The following NINJ2 variants were observed in gnomAD, a reference collection of about 807,000 sequenced individuals.
The protein encoded by NINJ2 is ninjurin 2, also known as ninjurin-2.
NINJ2 carries 12 observed loss-of-function variants against 11.7 expected under a neutral mutation model. That is an observed-to-expected ratio of 1.02 (90% confidence interval 0.66 to 1.66). The LOEUF (loss-of-function observed/expected upper bound fraction) is 1.66. Among genes scored for constraint, NINJ2 ranks in the 40% most tolerant of loss-of-function variants. NINJ2 has a pLI of 0.00. For synonymous variants in NINJ2, 93 were observed against 76.8 expected (o/e 1.21, Z -1.10); for missense variants, 187 against 181.8 (o/e 1.03, Z -0.16).
intron 1 of NINJ2, among the ~76,000 whole-genome samples, chr12:595,192 A>C (rs1236645373): frequency 1.3e-5 from 2 of 152,254 alleles, no homozygotes; most frequent in African/African-American, 2.4e-5. Context: ...AAGTTAACTC[A>C]AAATGGATCA....
chr12:650,046 T>C (rs1937763509), intron 1 of NINJ2, among the ~76,000 whole-genome samples: 1 of 151,894 alleles, frequency 6.6e-6, no homozygotes, highest in South Asian at 2.1e-4. Flanking sequence ...CTTCGATCAT[T>C]TTCTTAGGCT....
intron 1 of NINJ2, among the ~76,000 whole-genome samples, chr12:602,197 G>T (rs1947882680): frequency 6.6e-6 from 1 of 152,162 alleles, no homozygotes; most frequent in Non-Finnish European, 1.5e-5. Flanking sequence ...TATTTAAAGT[G>T]TACGGTTCAG....
At chr12:575,865 C>T (rs1414871545) in intron 1 of NINJ2, among the ~76,000 whole-genome samples, 1 of 152,130 alleles carries the variant, frequency 6.6e-6, no homozygotes, top group Non-Finnish European at 1.5e-5. Flanking sequence ...CAGGGAGAGC[C>T]CTTTTTCCCC....
rs374630469 is a variant in NINJ2, at chr12:591,858, G to A, written c.34-25680C>T. Among the ~76,000 whole-genome samples the A allele has an allele frequency of 7.3e-5, 11 of 149,910 alleles. No homozygotes were observed. The East Asian group carries it at 1.5e-3, about 21-fold the overall frequency. On this transcript the variant is annotated intron_variant, in intron 1 of 3. Transcript: ENST00000305108. This position sits in a 1 kb window ranked among gnomAD's most constrained non-coding sequence, Gnocchi z 5.0. ...CAGGAAAGCCTTCTGAAAGAGTGACGTGGCCGGCGGCAGGTATGGTGTGTG... is the reference window on the plus strand; with the variant it reads ...CAGGAAAGCCTTCTGAAAGAGTGACATGGCCGGCGGCAGGTATGGTGTGTG...
intron 1 of NINJ2, among the ~76,000 whole-genome samples, chr12:574,560 C>T (rs2120809022): frequency 6.6e-6 from 1 of 150,432 alleles, no homozygotes; most frequent in Non-Finnish European, 1.5e-5. Context: ...AAAAGGTGAG[C>T]TTGGCTCCCT....
rs1180803765 is a variant in NINJ2 at position 614,938 on chromosome 12, C to G, written c.33+48390G>C. Among the ~76,000 whole-genome samples the G allele has an allele frequency of 6.6e-6, 1 of 152,174 alleles. No individual in the cohort carries two copies. Among genetic ancestry groups the G allele is most frequent in the East Asian group, 1.9e-4 (1 of 5,192 alleles). On this transcript the variant is annotated intron_variant, in intron 1 of 3. Coordinates refer to ENST00000305108, the MANE Select transcript of NINJ2 (RefSeq NM_016533.6). This position sits in a 1 kb window ranked among gnomAD's most constrained non-coding sequence, Gnocchi z 5.1. ...GCTGTGGTCCCGAGCTCAAAAGATG[C>G]AGGCTTGAGGTCTTAACTGCTTCCA...
intron 1 of NINJ2, among the ~76,000 whole-genome samples, chr12:597,909 G>A (rs373814854): frequency 4.6e-5 from 7 of 152,266 alleles, no homozygotes; most frequent in East Asian, 3.8e-4. Flanking sequence ...CCTTTGCCTT[G>A]TTGAAGCCCT....
intron 1 of NINJ2, among the ~76,000 whole-genome samples, chr12:609,770 CAAAAAAA>C (rs1185755822): frequency 2.3e-5 from 2 of 88,818 alleles, no homozygotes. Context: ...GACTCTGCCT[CAAAAAAA>C]AAAAAAAAAA....
At chr12:577,879 AT>A (rs1221776070) in intron 1 of NINJ2, among the ~76,000 whole-genome samples, 6 of 150,780 alleles carry the variant, frequency 4.0e-5, no homozygotes, top group African/African-American at 1.2e-4. Flanking sequence ...TTTTATTTTT[AT>A]TTTTTTTTAA....
chr12:660,360 CT>C (rs577585379), intron 1 of NINJ2, among the ~76,000 whole-genome samples: 3,979 of 121,348 alleles, frequency 0.033, 109 homozygotes, highest in African/African-American at 0.091. Context: ...TTTTTCTTTT[CT>C]TTTTTTTTTT....
rs549069543 is a variant in NINJ2, at chr12:624,034, TCAAAAA to T, written c.33+39288_33+39293del. Among the ~76,000 whole-genome samples the T allele has an allele frequency of 2.0e-3, 309 of 152,166 alleles. 1 individual carries two copies. The highest frequency in any genetic ancestry group is 0.014 in the Middle Eastern group (4 of 294). ...CTTGGTGACAGAGCGAGACTCTGTC[TCAAAAA>T]CAAAAACAAAAACAAAAACAAAAAA... is the stretch of plus-strand genomic sequence containing the variant. On this transcript the variant is annotated intron_variant, in intron 1 of 3. Coordinates refer to ENST00000305108, the MANE Select transcript of NINJ2 (RefSeq NM_016533.6).
chr12:572,628 A>G (rs923156383), intron 1 of NINJ2, among the ~76,000 whole-genome samples: 17 of 152,198 alleles, frequency 1.1e-4, no homozygotes, highest in African/African-American at 4.1e-4. Context: ...GCACACTGGA[A>G]CGATGGTGGT....
rs1345710738 is a variant in NINJ2, at chr12:566,031, G to A, written c.181C>T (p.His61Tyr). ...AGGGTGACCAGGGTGGTGTAGTAGT[G>A]AGAGGATGGTCCCTGCTCCAGCACC... ...KAVLEQGPSS[H>Y]YYTTLVTLIS... Residue 61 changes from histidine to tyrosine, a missense_variant, in exon 2 of 4, where the codon CAC (histidine) becomes TAC (tyrosine). By Grantham distance (83) the His-to-Tyr change is moderately conservative. Transcript: ENST00000305108. 5 of 1,614,078 alleles carry A rather than the reference G, an allele frequency of 3.1e-6. No individual in the cohort carries two copies. Among genetic ancestry groups the A allele is most frequent in the Non-Finnish European group, 4.2e-6 (5 of 1,180,040 alleles).
chr12:566,190 A>G lies in NINJ2; in HGVS notation c.34-12T>C. On this transcript the variant is annotated splice_polypyrimidine_tract_variant and intron_variant, in intron 1 of 3. Transcript: ENST00000305108. ...TCGGAGCTTCCAGGCTGTAGGGGAG[A>G]AAGCACAGACTTACCAAGGGGAGCT... The G allele has an allele frequency of 6.2e-7, 1 of 1,608,056 alleles. No individual in the cohort carries two copies. The highest frequency in any genetic ancestry group is 8.5e-7 in the Non-Finnish European group (1 of 1,175,984).
chr12:566,100 G>T lies in NINJ2; in HGVS notation c.112C>A (p.Leu38Met). ...TTGGACATGAACAGGGCCACGTCCA[G>T]CATGCTCTCCGCCACGCTCTTCTTG... ...ATKKSVAESMLDVALFMSNAM... is the reference protein window; with the variant it reads ...ATKKSVAESMMDVALFMSNAM... Residue 38 changes from leucine (L) to methionine (M), a missense_variant, in exon 2 of 4, where the codon CTG (leucine) becomes ATG (methionine). Physicochemically the swap from Leu to Met is conservative, Grantham distance 15. Coordinates refer to ENST00000305108, the MANE Select transcript of NINJ2 (RefSeq NM_016533.6). The T allele has an allele frequency of 2.5e-6, 4 of 1,614,204 alleles. No individual in the cohort carries two copies. The highest frequency in any genetic ancestry group is 3.4e-6 in the Non-Finnish European group (4 of 1,180,032).
chr12:657,945 C>T (rs1937894578), intron 1 of NINJ2, among the ~76,000 whole-genome samples: 1 of 149,676 alleles, frequency 6.7e-6, no homozygotes, highest in Non-Finnish European at 1.5e-5. Flanking sequence ...GGTATCTTCC[C>T]AAATGAATTC....
chr12:568,704 T>C (rs1181775995), intron 1 of NINJ2, among the ~76,000 whole-genome samples: 1 of 152,212 alleles, frequency 6.6e-6, no homozygotes, highest in Non-Finnish European at 1.5e-5. Flanking sequence ...AGATTCCGAG[T>C]GTCCTCAACT....
rs1374159524 is a variant in NINJ2, at chr12:628,965, C to T, written c.33+34363G>A. 3.9e-5 allele frequency among the ~76,000 whole-genome samples: 6 copies of T among 152,134 alleles called. No homozygotes were observed. On this transcript the variant is annotated intron_variant, in intron 1 of 3. Coordinates refer to ENST00000305108, the MANE Select transcript of NINJ2 (RefSeq NM_016533.6). The surrounding 1 kb of genome is among the most constrained non-coding windows in gnomAD (Gnocchi z 4.4). The stretch of plus-strand genomic sequence containing the variant: ...CCCAAAAAGCTCATGAATAACCCAC[C>T]CCTTGTTTAGCATATGATCAAGAAA...
rs1019882436 is a variant in NINJ2 at position 577,424 on chromosome 12, TATATAC to T, written c.34-11252_34-11247del. 5.5e-3 allele frequency among the ~76,000 whole-genome samples: 766 copies of T among 138,960 alleles called. 50 individuals are homozygous for T. The highest frequency in any genetic ancestry group is 0.019 in the African/African-American group (727 of 37,762). The allele number at this position is 138,960 out of a possible 152,430, so 91.2% of individuals were successfully genotyped here. ...AGAAGCAACACTAGTCTCATATATATATATACATATATATATATAAATATTTTGGCA... is the reference window on the plus strand; with the variant it reads ...AGAAGCAACACTAGTCTCATATATATATATATATATATAAATATTTTGGCA... On this transcript the variant is annotated intron_variant, in intron 1 of 3. Transcript: ENST00000305108.
Sources: gnomAD v4.1 joint callset for allele counts (sites outside exome capture counted in the v4.1 genomes callset) on GRCh38, gnomAD v4.1.1 for gene constraint, Gnocchi (gnomAD v3.1) non-coding constraint, MANE v1.5 for transcripts, NCBI Gene and HGNC (gene_info 2026-07-23, HGNC 2026-07-21) for gene names.